The following KCTD21 variants were observed in gnomAD, a reference collection of about 807,000 sequenced individuals.
KCTD21 encodes the protein BTB/POZ domain-containing protein KCTD21.
KCTD21 carries 9 observed loss-of-function variants against 13.2 expected under a neutral mutation model. The observed-to-expected ratio is 0.68, with a 90% CI of 0.41 to 1.19. The LOEUF is 1.19. Ranked by LOEUF, KCTD21 falls within the 50% of genes most tolerant of loss-of-function variation. The pLI, the probability that KCTD21 is intolerant of heterozygous loss-of-function variation, is 0.01. For synonymous variants in KCTD21, 142 were observed against 137.4 expected (o/e 1.03, Z -0.23); for missense variants, 303 against 336.5 (o/e 0.90, Z 0.78).
At chr11:78,179,293 C>G (rs1042524285) in intron 1 of KCTD21, among the ~76,000 whole-genome samples, 2 of 151,950 alleles carry the variant, frequency 1.3e-5, no homozygotes, top group African/African-American at 4.8e-5. Context: ...TCCAGGCCTC[C>G]CAAAGTGTGG....
chr11:78,188,446 C>G, intron 1 of KCTD21, 127 bp downstream of exon 1: 1 of 985,564 alleles, frequency 1.0e-6, no homozygotes, highest in Non-Finnish European at 1.2e-6. Flanking sequence ...CGATGCCATC[C>G]CCATTTCACA....
chr11:78,180,798 C>G (rs1358274799), intron 1 of KCTD21, among the ~76,000 whole-genome samples: 59 of 152,290 alleles, frequency 3.9e-4, no homozygotes, highest in South Asian at 1.2e-3. Flanking sequence ...TGTCCCCACC[C>G]AAATCTCACC....
intron 1 of KCTD21, among the ~76,000 whole-genome samples, chr11:78,185,550 G>C (rs1216797562): frequency 2.6e-5 from 4 of 151,974 alleles, no homozygotes; most frequent in Non-Finnish European, 5.9e-5. Context: ...GCCTGGGTGG[G>C]CAGTCTGGAT....
At chr11:78,187,555 T>C (rs1196718858) in intron 1 of KCTD21, 1 of 985,264 alleles carries the variant, frequency 1.0e-6, no homozygotes, top group Non-Finnish European at 1.2e-6. Flanking sequence ...TCCAGAACTT[T>C]CCTTCACCTT....
intron 1 of KCTD21, chr11:78,186,616 A>G (rs1862782879): frequency 1.3e-6 from 1 of 778,364 alleles, no homozygotes; most frequent in Admixed American, 6.2e-5. Flanking sequence ...CTACCGTGCT[A>G]GGCACTCTAT....
At position 78,173,438 on chromosome 11, in the gene KCTD21, G is replaced by T; in HGVS notation, c.*334C>A. The T allele has an allele frequency of 4.3e-6, 1 of 232,576 alleles. No homozygotes were observed. The highest frequency in any genetic ancestry group is 8.5e-6 in the Non-Finnish European group (1 of 117,772). The allele number at this position is 232,576 out of a possible 1,614,324, so 14.4% of individuals were successfully genotyped here. ...ATGGATAAATGCGGCACTGGCTAGC[G>T]GTACAGAGAGATGGAGCCCAGGAGA... On this transcript the variant is annotated 3_prime_UTR_variant, in exon 2 of 2. Coordinates refer to ENST00000340067, the MANE Select transcript of KCTD21 (RefSeq NM_001029859.3).
In KCTD21 at chr11:78,173,693, C is replaced by A; in HGVS notation, c.*79G>T. The A allele has an allele frequency of 8.4e-7, 1 of 1,197,558 alleles. No individual in the cohort carries two copies. Among genetic ancestry groups the A allele is most frequent in the Non-Finnish European group, 1.2e-6 (1 of 835,372 alleles). The allele number at this position is 1,197,558 out of a possible 1,614,324, so 74.2% of individuals were successfully genotyped here. The stretch of plus-strand genomic sequence containing the variant: ...GATTAGTATAGTCCCCTGCCTCGCA[C>A]CACTGGCGAGATGCCCTCCAAGACC... On this transcript the variant is annotated 3_prime_UTR_variant, in exon 2 of 2. Coordinates refer to ENST00000340067, the MANE Select transcript of KCTD21 (RefSeq NM_001029859.3).
rs111296651 is a variant in KCTD21, at chr11:78,174,585, T to C, written c.-29-2A>G. ...GAGACTGGGTTGCTGGAAGTAGTCC[T>C]GGAGAGGGTGAGAAGTGAGAAATGA... On this transcript the variant is annotated splice_acceptor_variant, in intron 1 of 1. Coordinates refer to ENST00000340067, the MANE Select transcript of KCTD21 (RefSeq NM_001029859.3). LOFTEE classifies it low-confidence loss of function (5UTR_SPLICE). The C allele has an allele frequency of 6.3e-7, 1 of 1,582,346 alleles. No individual in the cohort carries two copies.
Position 78,174,246 on chromosome 11 carries a change from G to A in KCTD21, c.309C>T (p.Leu103=), listed in dbSNP as rs1333213801. 1 of 1,614,072 alleles carries A rather than the reference G, an allele frequency of 6.2e-7. No homozygotes were observed. The highest frequency in any genetic ancestry group is 1.1e-5 in the South Asian group (1 of 91,084). The change falls in exon 2 of 2, where the codon CTC becomes CTT. Residue 103 remains leucine (L), a synonymous_variant. Transcript: ENST00000340067. ...GCATGGCATTCTTCTCGGCCTTGGA[G>A]AGCTCCACTTCCTTCTCCTGCAGGG... ...IEALQEKEVE[L]SKAEKNAMLN... is the part of the protein sequence containing the mutation.
rs1862382676 is a variant in KCTD21 at position 78,174,384 on chromosome 11, G to C, written c.171C>G (p.Arg57=). Residue 57 remains arginine, a synonymous_variant, in exon 2 of 2, where the codon CGC becomes CGG. Coordinates refer to ENST00000340067, the MANE Select transcript of KCTD21 (RefSeq NM_001029859.3). The stretch of plus-strand genomic sequence containing the variant: ...AGGTCCGCAGGAAGTTGAGGATATA[G>C]CGGAACACTTTGCCGTCACGGTCAA... ...CFIDRDGKVF[R]YILNFLRTSH... is the part of the protein sequence containing the mutation. The C allele has an allele frequency of 6.2e-7, 1 of 1,614,134 alleles. No individual in the cohort carries two copies. The highest frequency in any genetic ancestry group is 8.5e-7 in the Non-Finnish European group (1 of 1,180,032).
At position 78,173,503 on chromosome 11, in the gene KCTD21, T is replaced by C. The variant is rs1398089003; in HGVS notation, c.*269A>G. 3.0e-5 allele frequency: 11 copies of C among 363,748 alleles called. No homozygotes were observed. In the Admixed American group the frequency reaches 4.3e-4, roughly 14 times the overall value. 22.5% of individuals were successfully genotyped at this position (363,748 alleles called of 1,614,324 possible). A position where few individuals can be genotyped will look rare whatever the true frequency, so the allele number is the denominator to read the frequency against. On this transcript the variant is annotated 3_prime_UTR_variant, in exon 2 of 2. Transcript: ENST00000340067. ...TTGTCCTGGCTGGAAAATCCTCCTA[T>C]GGCCTCCTTTAGTACACATCAGCTG...
intron 1 of KCTD21, among the ~76,000 whole-genome samples, chr11:78,184,450 C>T (rs1433822914): frequency 6.6e-6 from 1 of 151,398 alleles, no homozygotes; most frequent in Non-Finnish European, 1.5e-5. Context: ...AATTCTCTTG[C>T]CTCAGCCTCC....
chr11:78,180,312 G>A (rs1221264503), intron 1 of KCTD21, among the ~76,000 whole-genome samples: 1 of 152,310 alleles, frequency 6.6e-6, no homozygotes, highest in East Asian at 1.9e-4. Flanking sequence ...ATAAAGGATT[G>A]TTAACCAGAA....
At chr11:78,187,218 GA>G in intron 1 of KCTD21, 2 of 985,368 alleles carry the variant, frequency 2.0e-6, no homozygotes, top group Non-Finnish European at 2.4e-6. Flanking sequence ...CCCCACCGGA[GA>G]AAGGACTCTT....
At chr11:78,187,514 C>T (rs140547793) in intron 1 of KCTD21, 1 of 985,392 alleles carries the variant, frequency 1.0e-6, no homozygotes, top group East Asian at 1.1e-4. Flanking sequence ...TGGCGTAGAC[C>T]TCCAACAACC....
chr11:78,188,205 C>T, intron 1 of KCTD21: 10 of 985,094 alleles, frequency 1.0e-5, no homozygotes, highest in Non-Finnish European at 1.2e-5. Flanking sequence ...ACCCACTCCC[C>T]AGCCCTACAG....
intron 1 of KCTD21, chr11:78,175,410 T>A (rs1026888155): frequency 2.0e-5 from 3 of 151,948 alleles, no homozygotes; most frequent in African/African-American, 7.3e-5. Context: ...AGGAAAACTG[T>A]GCCAGGATTC....
chr11:78,171,994 T>C lies in KCTD21; in HGVS notation c.*1778A>G, dbSNP rs553276369. ...GGAACTGGCGCTGCCCATGGCCCAG[T>C]GTACAAGCTCCCTACTCACAGGGCC... On this transcript the variant is annotated 3_prime_UTR_variant, in exon 2 of 2. Coordinates refer to ENST00000340067, the MANE Select transcript of KCTD21 (RefSeq NM_001029859.3). 2.0e-5 allele frequency: 3 copies of C among 152,362 alleles called. No homozygotes were observed. In the East Asian group the frequency reaches 5.8e-4, roughly 29 times the overall value. The allele number at this position is 152,362 out of a possible 1,614,324, so 9.4% of individuals were successfully genotyped here. A position where few individuals can be genotyped will look rare whatever the true frequency, so the allele number is the denominator to read the frequency against.
intron 1 of KCTD21, chr11:78,175,453 C>CCAGGATT (rs1488807950): frequency 1.3e-5 from 2 of 152,052 alleles, no homozygotes; most frequent in Non-Finnish European, 2.9e-5. Context: ...AAGTGCCTTG[C>CCAGGATT]CAGGATTCAA....
Sources: allele counts gnomAD v4.1 joint callset (sites outside exome capture counted in the v4.1 genomes callset), GRCh38; gene constraint gnomAD v4.1.1; transcripts MANE v1.5; gene names NCBI Gene and HGNC (gene_info 2026-07-23, HGNC 2026-07-21).